GALNT2: variants seen among roughly 807,000 people sequenced by gnomAD.
GALNT2 encodes the protein UDP-GalNAc:polypeptide N-acetylgalactosaminyltransferase 2.
A neutral mutation model predicts 81.4 loss-of-function variants in GALNT2; 31 were observed. The observed-to-expected ratio is 0.38, with a 90% CI of 0.29 to 0.51. The LOEUF is 0.51. GALNT2 is among the 20% of genes least tolerant of loss of function. The probability of loss-of-function intolerance (pLI) is 0.87; values close to 1 mark genes in which losing one functional copy is unlikely to be tolerated. For synonymous variants in GALNT2, 303 were observed against 287.4 expected, an observed-to-expected ratio of 1.05 and a Z score of -0.55; for missense variants, 629 against 765.7, an observed-to-expected ratio of 0.82 and a Z score of 2.11.
In GALNT2 at chr1:230,193,666, T is replaced by A. The variant is rs1189860570; in HGVS notation, c.221-9471T>A. Among the ~76,000 whole-genome samples, 1 of 152,194 alleles carries A rather than the reference T, an allele frequency of 6.6e-6. No individual in the cohort carries two copies. The highest frequency in any genetic ancestry group is 1.5e-5 in the Non-Finnish European group (1 of 68,034). ...GGCATTGTTTGGAAAGGTAGCATTATTTTAAACCAACATTTATTTGAACAA... is the reference window on the plus strand; with the variant it reads ...GGCATTGTTTGGAAAGGTAGCATTAATTTAAACCAACATTTATTTGAACAA... On this transcript the variant is annotated intron_variant, in intron 2 of 15. Transcript: ENST00000366672. This position sits in a 1 kb window ranked among gnomAD's most constrained non-coding sequence, Gnocchi z 4.3.
chr1:230,158,226 G>C (rs980049106), intron 1 of GALNT2, among the ~76,000 whole-genome samples: 1 of 152,168 alleles, frequency 6.6e-6, no homozygotes, highest in Admixed American at 6.5e-5. Flanking sequence ...TTCGTGTTGT[G>C]TGAGGGATGA....
chr1:230,139,571 A>G (rs981658758), intron 1 of GALNT2, among the ~76,000 whole-genome samples: 2 of 152,248 alleles, frequency 1.3e-5, no homozygotes, highest in Non-Finnish European at 2.9e-5. Flanking sequence ...TAAGCCTATC[A>G]GGCAGTCCAG....
At position 230,126,662 on chromosome 1, in the gene GALNT2, G is replaced by T. The variant is rs528972998; in HGVS notation, c.127-51556G>T. 1.3e-4 allele frequency among the ~76,000 whole-genome samples: 20 copies of T among 152,308 alleles called. No individual in the cohort carries two copies. The South Asian group carries it at 4.1e-3, about 32-fold the overall frequency. ...TCTCCTCGGAAAAGTGTGTGCATGG[G>T]ATTGTAATATCGCATCTATGGGAAA... On this transcript the variant is annotated intron_variant, in intron 1 of 15. Coordinates refer to ENST00000366672, the MANE Select transcript of GALNT2 (RefSeq NM_004481.5).
chr1:230,236,247 C>A, intron 4 of GALNT2, 106 bp from the exon 5 acceptor site: 1 of 1,360,388 alleles, frequency 7.4e-7, no homozygotes, highest in East Asian at 2.3e-5. Flanking sequence ...CAGTGTGTAG[C>A]TCCTCCAACC....
intron 14 of GALNT2, among the ~76,000 whole-genome samples, chr1:230,269,564 G>T (rs1666118978): frequency 6.6e-6 from 1 of 151,972 alleles, no homozygotes; most frequent in Admixed American, 6.6e-5. Flanking sequence ...AGGGTCAGAG[G>T]GCACCACCAG....
intron 2 of GALNT2, among the ~76,000 whole-genome samples, chr1:230,201,764 A>G (rs1663899194): frequency 6.6e-6 from 1 of 152,156 alleles, no homozygotes; most frequent in Non-Finnish European, 1.5e-5. Context: ...CTGAATGGGC[A>G]TGCTCATGTC....
At chr1:230,217,102 C>T (rs1273103116) in intron 3 of GALNT2, among the ~76,000 whole-genome samples, 3 of 151,418 alleles carry the variant, frequency 2.0e-5, no homozygotes, top group Admixed American at 6.6e-5. Context: ...AAAACTCTGC[C>T]GTCATAGAGC....
intron 6 of GALNT2, among the ~76,000 whole-genome samples, chr1:230,238,892 T>C (rs1665112647): frequency 6.6e-6 from 1 of 152,190 alleles, no homozygotes; most frequent in Admixed American, 6.6e-5. Context: ...TATTTTATTT[T>C]CTAAAAGAGT....
intron 3 of GALNT2, among the ~76,000 whole-genome samples, chr1:230,231,834 G>C (rs902871609): frequency 5.3e-5 from 8 of 152,202 alleles, no homozygotes; most frequent in African/African-American, 1.9e-4. Context: ...AAGTGAACTT[G>C]AGCCCACAAA....
Position 230,274,392 on chromosome 1 carries a change from C to T in GALNT2, c.1441-53C>T, listed in dbSNP as rs1666228552. On this transcript the variant is annotated intron_variant, in intron 14 of 15. Coordinates refer to ENST00000366672, the MANE Select transcript of GALNT2 (RefSeq NM_004481.5). ...GAGCCCTCATCGATGCCCCTTCTTT[C>T]CTTTCACAGCCCGGTGCATAGCACG... The T allele has an allele frequency of 2.5e-6, 4 of 1,590,298 alleles. No individual in the cohort carries two copies. In the African/African-American group the frequency reaches 4.0e-5, roughly 16 times the overall value.
At position 230,279,910 on chromosome 1, in the gene GALNT2, A is replaced by G. The variant is rs1400111079; in HGVS notation, c.*452A>G. 4.4e-6 allele frequency: 2 copies of G among 457,306 alleles called. No individual in the cohort carries two copies. Among genetic ancestry groups the G allele is most frequent in the Admixed American group, 4.7e-5 (2 of 42,584 alleles). 28.3% of individuals were successfully genotyped at this position (457,306 alleles called of 1,614,324 possible). A position where few individuals can be genotyped will look rare whatever the true frequency, so the allele number is the denominator to read the frequency against. ...CCCTTCGAAATCACGTATGGTTTCC[A>G]CAAAGCCGAGTCGTGTCACGTGGCA... On this transcript the variant is annotated 3_prime_UTR_variant, in exon 16 of 16. Coordinates refer to ENST00000366672, the MANE Select transcript of GALNT2 (RefSeq NM_004481.5). The surrounding 1 kb of genome is among the most constrained non-coding windows in gnomAD (Gnocchi z 4.6).
Position 230,213,919 on chromosome 1 carries a change from A to T in GALNT2, c.374+10629A>T, listed in dbSNP as rs191673048. 6.6e-5 allele frequency among the ~76,000 whole-genome samples: 10 copies of T among 152,270 alleles called. No homozygotes were observed. In the East Asian group the frequency reaches 1.9e-3, roughly 29 times the overall value. On this transcript the variant is annotated intron_variant, in intron 3 of 15. Transcript: ENST00000366672. ...TCTTTCTTTATAAACTCTATAGGAT[A>T]TCTTTTATTGTTTTATGCAGTAAAT... is the stretch of plus-strand genomic sequence containing the variant.
intron 3 of GALNT2, among the ~76,000 whole-genome samples, chr1:230,209,162 T>C (rs1664157032): frequency 6.6e-6 from 1 of 152,158 alleles, no homozygotes; most frequent in Admixed American, 6.5e-5. Context: ...CTCCTGAGCC[T>C]TGTAGCCCAT....
At chr1:230,085,040 A>T (rs894483083) in intron 1 of GALNT2, among the ~76,000 whole-genome samples, 1 of 152,164 alleles carries the variant, frequency 6.6e-6, no homozygotes, top group Non-Finnish European at 1.5e-5. Context: ...GAAGTGGAGA[A>T]AGATTGTGCA....
intron 6 of GALNT2, 65 bp downstream of exon 6, chr1:230,236,790 G>A: frequency 6.7e-7 from 1 of 1,501,858 alleles, no homozygotes; most frequent in East Asian, 2.3e-5. Flanking sequence ...ATAACATAAA[G>A]AAGTGCTTTA....
chr1:230,277,226 G>T (rs575963924), intron 15 of GALNT2, among the ~76,000 whole-genome samples: 1 of 152,292 alleles, frequency 6.6e-6, no homozygotes, highest in South Asian at 2.1e-4. Flanking sequence ...GGCTGTTTCA[G>T]TAGAGTCTGA....
intron 1 of GALNT2, among the ~76,000 whole-genome samples, chr1:230,096,659 T>TGG (rs1660263058): frequency 6.6e-6 from 1 of 152,228 alleles, no homozygotes; most frequent in African/African-American, 2.4e-5. Flanking sequence ...CTTGGCAGCC[T>TGG]GGGGGCAGCA....
intron 14 of GALNT2, among the ~76,000 whole-genome samples, chr1:230,273,450 G>A (rs960229274): frequency 4.6e-5 from 7 of 152,190 alleles, no homozygotes; most frequent in African/African-American, 9.7e-5. Context: ...GTCCCTGTGG[G>A]GTTTTAAACT....
chr1:230,214,433 T>C (rs1664326411), intron 3 of GALNT2, among the ~76,000 whole-genome samples: 1 of 152,206 alleles, frequency 6.6e-6, no homozygotes, highest in Non-Finnish European at 1.5e-5. Context: ...TTGAAGAGTC[T>C]TTTCACTGAC....
Sources: gnomAD v4.1 joint callset for allele counts (sites outside exome capture counted in the v4.1 genomes callset) on GRCh38, gnomAD v4.1.1 for gene constraint, Gnocchi (gnomAD v3.1) non-coding constraint, MANE v1.5 for transcripts, NCBI Gene and HGNC (gene_info 2026-07-23, HGNC 2026-07-21) for gene names.